The following CDK12 variants were observed in gnomAD, a reference collection of about 807,000 sequenced individuals.
CDK12 encodes cyclin-dependent kinase 12.
Under a neutral mutation model 133.8 loss-of-function variants are expected in CDK12, and 17 were observed. The ratio of observed to expected loss-of-function variants is 0.13; its 90% CI spans 0.09 to 0.19. The LOEUF is 0.19. Ranked by LOEUF, CDK12 falls within the 10% of genes least tolerant of loss-of-function variation. The pLI, the probability that CDK12 is intolerant of heterozygous loss-of-function variation, is 1.00. For missense variants in CDK12, 1,508 were observed against 1,818.7 expected (o/e 0.83, Z 3.11); for synonymous variants, 694 against 683.6 (o/e 1.02, Z -0.24).
chr17:39,482,620 T>TTTTTTTTTTTA (rs2050807128), intron 2 of CDK12, among the ~76,000 whole-genome samples: 1 of 145,958 alleles, frequency 6.9e-6, no homozygotes, highest in Non-Finnish European at 1.5e-5. Flanking sequence ...TTTTTTTTTT[T>TTTTTTTTTTTA]GAGGCAGAGT....
At chr17:39,465,055 G>C (rs1280152378) in intron 1 of CDK12, among the ~76,000 whole-genome samples, 1 of 151,964 alleles carries the variant, frequency 6.6e-6, no homozygotes, top group East Asian at 1.9e-4. Context: ...AGACCAGCGT[G>C]GCCAATGTGG....
At chr17:39,565,620 G>A (rs944705457), downstream of CDK12, among the ~76,000 whole-genome samples, 1 of 151,874 alleles carries the variant, frequency 6.6e-6, no homozygotes, top group African/African-American at 2.4e-5. Context: ...TTTTAGTAGA[G>A]ATGAGGTTTC....
chr17:39,463,774 C>G (rs887369170), intron 1 of CDK12, among the ~76,000 whole-genome samples: 3 of 151,750 alleles, frequency 2.0e-5, no homozygotes, highest in Admixed American at 6.6e-5. Context: ...TACCTTGTGA[C>G]CGCTGACAAT....
chr17:39,526,393 T>C lies in CDK12; in HGVS notation c.3760+77T>C, dbSNP rs555227880. The C allele has an allele frequency of 4.6e-5, 52 of 1,125,468 alleles. No individual in the cohort carries two copies. The Admixed American group carries it at 8.3e-4, about 18-fold the overall frequency. The allele number at this position is 1,125,468 out of a possible 1,614,324, so 69.7% of individuals were successfully genotyped here. The stretch of plus-strand genomic sequence containing the variant: ...CTTAAAAATCTCTTAACATTTTTTT[T>C]CCCCCACATCAATGGCCTTGGTTTC... On this transcript the variant is annotated intron_variant, in intron 13 of 13. Coordinates refer to ENST00000447079, the MANE Select transcript of CDK12 (RefSeq NM_016507.4).
rs775376309 is a variant in CDK12 at position 39,462,922 on chromosome 17, C to T, written c.851C>T (p.Ala284Val). ...SVSPPYKEPS[A>V]YQSSTRSPSP... ...AGTCCCCCTTACAAGGAGCCTTCGGCCTACCAGTCCAGCACCCGGTCACCG... is the reference window on the plus strand; with the variant it reads ...AGTCCCCCTTACAAGGAGCCTTCGGTCTACCAGTCCAGCACCCGGTCACCG... Residue 284 changes from alanine to valine, a missense_variant, in exon 1 of 14, where the codon GCC (alanine) becomes GTC (valine). By Grantham distance (64) the Ala-to-Val change is moderately conservative. Around this residue, in one of 9 missense-constraint regions of CDK12, gnomAD observed 460 missense variants for 490.8 expected, o/e 0.94. Coordinates refer to ENST00000447079, the MANE Select transcript of CDK12 (RefSeq NM_016507.4). 6.2e-6 allele frequency: 10 copies of T among 1,614,212 alleles called. No individual in the cohort carries two copies. Among genetic ancestry groups the T allele is most frequent in the Admixed American group, 3.3e-5 (2 of 60,020 alleles).
At chr17:39,464,052 G>T (rs535928367) in intron 1 of CDK12, among the ~76,000 whole-genome samples, 2 of 151,972 alleles carry the variant, frequency 1.3e-5, no homozygotes, top group Non-Finnish European at 2.9e-5. Context: ...GTTGCTTCAG[G>T]TGTAAAATGG....
At chr17:39,501,184 T>C in intron 5 of CDK12, 66 bp from the exon 6 acceptor site, 1 of 1,172,568 alleles carries the variant, frequency 8.5e-7, no homozygotes, top group Non-Finnish European at 1.2e-6. Context: ...TATTAGGACT[T>C]GAGGCATTGT....
intron 3 of CDK12, among the ~76,000 whole-genome samples, chr17:39,562,873 CTCTT>C (rs1241974786): frequency 1.5e-5 from 2 of 137,856 alleles, no homozygotes; most frequent in Non-Finnish European, 3.0e-5. Context: ...CTCTGTCTCT[CTCTT>C]CTCCTTTTTT....
At chr17:39,538,947 A>G (rs1440786107), downstream of CDK12, among the ~76,000 whole-genome samples, 1 of 152,056 alleles carries the variant, frequency 6.6e-6, no homozygotes, top group African/African-American at 2.4e-5. Context: ...ATACATACAT[A>G]CATACATAAG....
At chr17:39,539,731 T>C (rs1297829362) in intron 1 of CDK12, among the ~76,000 whole-genome samples, 1 of 152,076 alleles carries the variant, frequency 6.6e-6, no homozygotes, top group African/African-American at 2.4e-5. Context: ...AAAACTATTA[T>C]AATAAGAGGA....
Position 39,526,267 on chromosome 17 carries a change from G to A in CDK12, c.3711G>A (p.Gly1237=), listed in dbSNP as rs2146723305. ...AAAACAACAGTGACAAGAACAGTGGGCCACAGGGGCCCCGAAGAACTCCCA... is the reference window on the plus strand; with the variant it reads ...AAAACAACAGTGACAAGAACAGTGGACCACAGGGGCCCCGAAGAACTCCCA... ...LEENNSDKNS[G]PQGPRRTPTM... is the part of the protein sequence containing the mutation. The change falls in exon 13 of 14, where the codon GGG becomes GGA. Residue 1237 remains glycine, a synonymous_variant. Coordinates refer to ENST00000447079, the MANE Select transcript of CDK12 (RefSeq NM_016507.4). The A allele has an allele frequency of 6.2e-7, 1 of 1,606,632 alleles. No individual in the cohort carries two copies. The highest frequency in any genetic ancestry group is 8.5e-7 in the Non-Finnish European group (1 of 1,176,886).
intron 3 of CDK12, among the ~76,000 whole-genome samples, chr17:39,491,084 T>C (rs1052338491): frequency 3.3e-5 from 5 of 152,150 alleles, no homozygotes; most frequent in Non-Finnish European, 7.4e-5. Context: ...TAACCAAAAA[T>C]TAATAGATAT....
At chr17:39,489,199 G>C (rs565572527) in intron 2 of CDK12, among the ~76,000 whole-genome samples, 1 of 151,406 alleles carries the variant, frequency 6.6e-6, no homozygotes, top group Non-Finnish European at 1.5e-5. Flanking sequence ...TCCTGCCTCA[G>C]CCTCCTGAGT....
intron 11 of CDK12, among the ~76,000 whole-genome samples, chr17:39,524,363 C>T (rs934429386): frequency 1.3e-5 from 2 of 152,166 alleles, no homozygotes; most frequent in Non-Finnish European, 2.9e-5. Flanking sequence ...ATACTGTTCT[C>T]CTTTTTTGTT....
At chr17:39,463,893 T>G (rs943870409) in intron 1 of CDK12, among the ~76,000 whole-genome samples, 2 of 152,004 alleles carry the variant, frequency 1.3e-5, no homozygotes, top group African/African-American at 4.8e-5. Context: ...TTTGGAAAAC[T>G]GTGTTCTTGT....
chr17:39,513,607 C>T (rs184420167), intron 8 of CDK12, among the ~76,000 whole-genome samples: 1 of 152,298 alleles, frequency 6.6e-6, no homozygotes, highest in East Asian at 1.9e-4. Flanking sequence ...TCTGTGCAGC[C>T]TGCCACCTCA....
intron 2 of CDK12, among the ~76,000 whole-genome samples, chr17:39,485,041 G>T (rs1161902841): frequency 6.6e-6 from 1 of 151,772 alleles, no homozygotes; most frequent in Admixed American, 6.6e-5. Flanking sequence ...GTGATGGTGG[G>T]TGCCTGTGGT....
At chr17:39,513,262 T>C (rs145103002) in intron 8 of CDK12, among the ~76,000 whole-genome samples, 3 of 152,362 alleles carry the variant, frequency 2.0e-5, no homozygotes, top group Non-Finnish European at 2.9e-5. Flanking sequence ...CTTTATACTT[T>C]ACAATTCTGA....
At chr17:39,492,509 G>A (rs1328039849) in intron 3 of CDK12, among the ~76,000 whole-genome samples, 1 of 150,074 alleles carries the variant, frequency 6.7e-6, no homozygotes, top group Non-Finnish European at 1.5e-5. Flanking sequence ...CCAGGTTCAC[G>A]CCATTCTCCT....
Sources: allele counts gnomAD v4.1 joint callset (sites outside exome capture counted in the v4.1 genomes callset), GRCh38; gene constraint gnomAD v4.1.1; regional missense constraint gnomAD v4.1.1; transcripts MANE v1.5; gene names NCBI Gene and HGNC (gene_info 2026-07-23, HGNC 2026-07-21).